The following POTEC variants were observed in gnomAD, a reference collection of about 807,000 sequenced individuals.
POTEC encodes the protein ANKRD26-like family B member 2.
A neutral mutation model predicts 62.0 loss-of-function variants in POTEC; 35 were observed. The observed-to-expected ratio is 0.56, with a 90% confidence interval of 0.43 to 0.75. POTEC has a LOEUF of 0.75. Ranked by LOEUF, POTEC falls within the 30% of genes least tolerant of loss-of-function variation. The probability of loss-of-function intolerance (pLI) is 0.00; values close to 1 mark genes in which losing one functional copy is unlikely to be tolerated. For synonymous variants in POTEC, 156 were observed against 221.5 expected (o/e 0.70, Z 2.62); for missense variants, 472 against 655.9 (o/e 0.72, Z 3.06).
chr18:14,536,452 A>G (rs1905716531), intron 3 of POTEC, among the ~76,000 whole-genome samples: 1 of 151,992 alleles, frequency 6.6e-6, no homozygotes, highest in Non-Finnish European at 1.5e-5. Flanking sequence ...AGGCTAGACT[A>G]GAACTCCTAA....
At position 14,542,778 on chromosome 18, in the gene POTEC, G is replaced by A. The variant is rs1216212431; in HGVS notation, c.369C>T (p.Tyr123=). 1.1e-5 allele frequency: 18 copies of A among 1,613,682 alleles called. No homozygotes were observed. In the African/African-American group the frequency reaches 1.6e-4, roughly 14 times the overall value. Residue 123 remains tyrosine (Y), a synonymous_variant, in exon 1 of 11, where the codon TAC becomes TAT. Coordinates refer to ENST00000358970, the MANE Select transcript of POTEC (RefSeq NM_001137671.2). ...GKSNVGAWGD[Y]DDSAFMEPRY... ...TCGGCTCCATGAAGGCGCTGTCGTC[G>A]TAGTCTCCCCAAGCGCCCACGTTGC...
chr18:14,513,435 C>T (rs1179488936), intron 10 of POTEC, among the ~76,000 whole-genome samples: 1 of 152,066 alleles, frequency 6.6e-6, no homozygotes, highest in Non-Finnish European at 1.5e-5. Context: ...CACTACTCGA[C>T]TGTTGCAGGC....
intron 1 of POTEC, among the ~76,000 whole-genome samples, chr18:14,539,384 G>A (rs1429801979): frequency 4.7e-5 from 7 of 149,750 alleles, no homozygotes; most frequent in African/African-American, 1.7e-4. Flanking sequence ...CAGGTGTTAA[G>A]CCTAGTACCC....
Position 14,535,022 on chromosome 18 carries a change from AAAAC to A in POTEC, c.811-19_811-16del. 1 of 1,584,022 alleles carries A rather than the reference AAAAC, an allele frequency of 6.3e-7. No individual in the cohort carries two copies. The highest frequency in any genetic ancestry group is 8.6e-7 in the Non-Finnish European group (1 of 1,164,890). On this transcript the variant is annotated splice_polypyrimidine_tract_variant and intron_variant, in intron 3 of 10. Coordinates refer to ENST00000358970, the MANE Select transcript of POTEC (RefSeq NM_001137671.2). ...GTGAGGCCACACTGTAAAACAATAT[AAAAC>A]AAAAACAATATGTAATTCAAAAAAT...
rs1910011551 is a variant in POTEC, at chr18:14,511,683, G to A, written c.*215C>T. ...TGACATGATTGAATTTCCATTTCCA[G>A]TGTTTCCTAGCTGTGTCTTACATTC... On this transcript the variant is annotated 3_prime_UTR_variant, in exon 11 of 11. Coordinates refer to ENST00000358970, the MANE Select transcript of POTEC (RefSeq NM_001137671.2). 5 of 601,324 alleles carry A rather than the reference G, an allele frequency of 8.3e-6. No homozygotes were observed. The highest frequency in any genetic ancestry group is 1.5e-5 in the Non-Finnish European group (5 of 336,070). 37.2% of individuals were successfully genotyped at this position (601,324 alleles called of 1,614,324 possible).
In POTEC at chr18:14,508,993, G is replaced by C. The variant is rs1264480676; in HGVS notation, c.*2905C>G. The C allele has an allele frequency of 6.6e-6, 1 of 152,180 alleles. No individual in the cohort carries two copies. Among genetic ancestry groups the C allele is most frequent in the Non-Finnish European group, 1.5e-5 (1 of 68,034 alleles). The allele number at this position is 152,180 out of a possible 1,614,324, so 9.4% of individuals were successfully genotyped here. A position where few individuals can be genotyped will look rare whatever the true frequency, so the allele number is the denominator to read the frequency against. On this transcript the variant is annotated 3_prime_UTR_variant, in exon 11 of 11. Coordinates refer to ENST00000358970, the MANE Select transcript of POTEC (RefSeq NM_001137671.2). ...AGGTTTTGTTTTTGGAGGATTTTAA[G>C]GGGCCAACATGCAGCTCCCAATTCT...
intron 9 of POTEC, among the ~76,000 whole-genome samples, chr18:14,516,380 T>C (rs1189259646): frequency 1.9e-5 from 2 of 105,874 alleles, no homozygotes; most frequent in Non-Finnish European, 3.6e-5. Context: ...AGAGGCTTAA[T>C]TGATTCACAG....
chr18:14,521,107 C>T (rs1191385656), intron 9 of POTEC, among the ~76,000 whole-genome samples: 1 of 152,156 alleles, frequency 6.6e-6, no homozygotes, highest in Non-Finnish European at 1.5e-5. Flanking sequence ...ACCCAATATA[C>T]TCAAATGTTT....
rs191382122 is a variant in POTEC at position 14,512,499 on chromosome 18, G to A, written c.1534-506C>T. Among the ~76,000 whole-genome samples the A allele has an allele frequency of 1.8e-4, 28 of 152,316 alleles. 1 individual carries two copies. The highest frequency in any genetic ancestry group is 1.6e-3 in the Admixed American group (25 of 15,306). ...GTAAGCATTACATTTATTCATAACT[G>A]TTAAATCTAAGCATTGTACCCTTCT... On this transcript the variant is annotated intron_variant, in intron 10 of 10. Transcript: ENST00000358970.
intron 6 of POTEC, among the ~76,000 whole-genome samples, chr18:14,525,705 C>A (rs1380179789): frequency 6.6e-6 from 1 of 151,378 alleles, no homozygotes; most frequent in Non-Finnish European, 1.5e-5. Context: ...GATGCAAATC[C>A]GCTGAGCTGG....
rs918613945 is a variant in POTEC, at chr18:14,508,289, G to C, written c.*3609C>G. On this transcript the variant is annotated 3_prime_UTR_variant, in exon 11 of 11. Transcript: ENST00000358970. ...TTTCATTCTTTTTTCCCCCATTCTT[G>C]TTTGCCTGTTTTATTTCAGAAAGCC... The C allele has an allele frequency of 3.3e-5, 5 of 152,208 alleles. No homozygotes were observed. The highest frequency in any genetic ancestry group is 1.2e-4 in the African/African-American group (5 of 41,258). The allele number at this position is 152,208 out of a possible 1,614,324, so 9.4% of individuals were successfully genotyped here.
At chr18:14,526,220 T>C (rs1288956732) in intron 6 of POTEC, among the ~76,000 whole-genome samples, 4 of 152,008 alleles carry the variant, frequency 2.6e-5, no homozygotes, top group Non-Finnish European at 5.9e-5. Flanking sequence ...TTTAAAACAA[T>C]GCTATGGGAA....
intron 5 of POTEC, among the ~76,000 whole-genome samples, chr18:14,530,879 C>T (rs1266953566): frequency 1.3e-5 from 2 of 152,172 alleles, no homozygotes; most frequent in African/African-American, 4.8e-5. Context: ...GAACAAATTT[C>T]TTCTCTTAGG....
rs1049515638 is a variant in POTEC at position 14,511,633 on chromosome 18, A to T, written c.*265T>A. The T allele has an allele frequency of 5.4e-6, 3 of 554,746 alleles. No homozygotes were observed. The highest frequency in any genetic ancestry group is 9.6e-6 in the Non-Finnish European group (3 of 312,374). 34.4% of individuals were successfully genotyped at this position (554,746 alleles called of 1,614,324 possible). ...CAGCTATCTGACTTTGATCACAATC[A>T]TGTAGAGCAGTAGTCAGTCTACAAT... On this transcript the variant is annotated 3_prime_UTR_variant, in exon 11 of 11. Transcript: ENST00000358970.
rs1204181649 is a variant in POTEC at position 14,509,039 on chromosome 18, TGGG to T, written c.*2856_*2858del. On this transcript the variant is annotated 3_prime_UTR_variant, in exon 11 of 11. Coordinates refer to ENST00000358970, the MANE Select transcript of POTEC (RefSeq NM_001137671.2). ...ATTCTTGGACTGTGTGCTTTAACTC[TGGG>T]GAACTTGTATTGGGCCACAACTTTG... 2.6e-5 allele frequency: 4 copies of T among 152,382 alleles called. No individual in the cohort carries two copies. The East Asian group carries it at 7.7e-4, about 29-fold the overall frequency. The allele number at this position is 152,382 out of a possible 1,614,324, so 9.4% of individuals were successfully genotyped here.
chr18:14,512,126 G>A (rs1474386490), intron 10 of POTEC, 133 bp from the exon 11 acceptor site: 7 of 677,514 alleles, frequency 1.0e-5, no homozygotes, highest in African/African-American at 1.9e-5. Context: ...CTGGAAAAAA[G>A]TTGGACAAAA....
chr18:14,538,773 G>T (rs1905836007), intron 1 of POTEC, among the ~76,000 whole-genome samples: 1 of 152,128 alleles, frequency 6.6e-6, no homozygotes, highest in Non-Finnish European at 1.5e-5. Flanking sequence ...AGGTAGCGCT[G>T]TACTGTATTT....
Position 14,543,310 on chromosome 18 carries a change from C to T in POTEC, c.-164G>A. ...AGCAAGGGAGCCCAGTCCACCCCAC[C>T]CAGGGAAAACCCACACCCACCCGGG... On this transcript the variant is annotated 5_prime_UTR_variant, in exon 1 of 11. Coordinates refer to ENST00000358970, the MANE Select transcript of POTEC (RefSeq NM_001137671.2). The T allele has an allele frequency of 7.9e-7, 1 of 1,273,650 alleles. No individual in the cohort carries two copies. The highest frequency in any genetic ancestry group is 1.5e-5 in the South Asian group (1 of 65,104). 78.9% of individuals were successfully genotyped at this position (1,273,650 alleles called of 1,614,324 possible).
chr18:14,535,333 G>A (rs1905677908), intron 3 of POTEC, among the ~76,000 whole-genome samples: 1 of 149,504 alleles, frequency 6.7e-6, no homozygotes, highest in Admixed American at 6.7e-5. Flanking sequence ...GGCGGGGGCT[G>A]TATCTTTTAT....
Sources: gnomAD v4.1 joint callset for allele counts (sites outside exome capture counted in the v4.1 genomes callset) on GRCh38, gnomAD v4.1.1 for gene constraint, MANE v1.5 for transcripts, NCBI Gene and HGNC (gene_info 2026-07-23, HGNC 2026-07-21) for gene names.